RPS6KC1: variants seen among roughly 807,000 people sequenced by gnomAD.
RPS6KC1 encodes ribosomal protein S6 kinase C1.
A neutral mutation model predicts 103.8 loss-of-function variants in RPS6KC1; 54 were observed. That is an observed-to-expected ratio of 0.52 (90% CI 0.42 to 0.65). RPS6KC1 has a LOEUF of 0.65. Among genes scored for constraint, RPS6KC1 ranks in the 30% least tolerant of loss-of-function variants. RPS6KC1 has a pLI of 0.00. For synonymous variants in RPS6KC1, 439 were observed against 438.7 expected, an observed-to-expected ratio of 1.00 and a Z score of -0.01; for missense variants, 1,151 against 1,253.8, an observed-to-expected ratio of 0.92 and a Z score of 1.24.
chr1:213,454,150 G>C, the RPS6KC1 span, among the ~76,000 whole-genome samples: 30 of 151,640 alleles, frequency 2.0e-4, no homozygotes, highest in African/African-American at 6.8e-4. Context: ...GACCACATGG[G>C]GGGGGTCAGC....
the RPS6KC1 span, among the ~76,000 whole-genome samples, chr1:213,686,250 A>G: frequency 6.6e-6 from 1 of 152,218 alleles, no homozygotes; most frequent in Non-Finnish European, 1.5e-5. Context: ...TGGCAGTCAC[A>G]AAAGCTTTTA....
chr1:213,466,331 A>T, the RPS6KC1 span, among the ~76,000 whole-genome samples: 2 of 152,206 alleles, frequency 1.3e-5, no homozygotes, highest in African/African-American at 4.8e-5. Flanking sequence ...ATACAAGCTG[A>T]ATGAGACTGT....
chr1:213,080,770 G>A (rs1327081801), intron 3 of RPS6KC1, among the ~76,000 whole-genome samples: 1 of 152,052 alleles, frequency 6.6e-6, no homozygotes, highest in Non-Finnish European at 1.5e-5. Flanking sequence ...TCACCATTTT[G>A]CCCAGGCTGG....
At chr1:213,112,899 CT>C (rs1267331172) in intron 4 of RPS6KC1, among the ~76,000 whole-genome samples, 11 of 152,282 alleles carry the variant, frequency 7.2e-5, no homozygotes, top group Non-Finnish European at 1.5e-5. Flanking sequence ...TGAACTCATC[CT>C]TTTTTATGGC....
At chr1:213,483,693 G>GC in the RPS6KC1 span, among the ~76,000 whole-genome samples, 9 of 152,254 alleles carry the variant, frequency 5.9e-5, no homozygotes, top group South Asian at 1.9e-3. Context: ...AAAGCTCCTG[G>GC]CTCCTGTTAG....
At chr1:213,421,491 G>A in the RPS6KC1 span, among the ~76,000 whole-genome samples, 7 of 152,306 alleles carry the variant, frequency 4.6e-5, no homozygotes, top group African/African-American at 1.4e-4. Flanking sequence ...TTTTCGGTTA[G>A]CCACTTGTAA....
the RPS6KC1 span, among the ~76,000 whole-genome samples, chr1:213,429,495 C>G: frequency 1.3e-5 from 2 of 152,204 alleles, no homozygotes; most frequent in Non-Finnish European, 2.9e-5. Context: ...TGAAATTGCT[C>G]TTTCCCTCGC....
the RPS6KC1 span, among the ~76,000 whole-genome samples, chr1:213,738,716 CG>C: frequency 6.6e-6 from 1 of 151,534 alleles, no homozygotes; most frequent in Non-Finnish European, 1.5e-5. Flanking sequence ...AAAATAAGGC[CG>C]GGTGTGGTGT....
the RPS6KC1 span, among the ~76,000 whole-genome samples, chr1:213,483,280 C>A: frequency 6.6e-6 from 1 of 152,162 alleles, no homozygotes; most frequent in Non-Finnish European, 1.5e-5. Flanking sequence ...CCCACTGGGT[C>A]CCTCCCATGA....
chr1:213,361,248 TCA>T, the RPS6KC1 span, among the ~76,000 whole-genome samples: 1 of 152,230 alleles, frequency 6.6e-6, no homozygotes, highest in African/African-American at 2.4e-5. Context: ...TACTCAAGCC[TCA>T]GCAATGGCAG....
chr1:213,317,435 A>G, the RPS6KC1 span, among the ~76,000 whole-genome samples: 52,149 of 152,086 alleles, frequency 0.34, 9,031 homozygotes, highest in Middle Eastern at 0.43. Flanking sequence ...ATCCTCACAC[A>G]GCAGAGAGAG....
chr1:213,522,295 A>T, the RPS6KC1 span, among the ~76,000 whole-genome samples: 1 of 152,218 alleles, frequency 6.6e-6, no homozygotes, highest in East Asian at 1.9e-4. Context: ...TGGGTTTAAA[A>T]TATTCAGTTA....
the RPS6KC1 span, among the ~76,000 whole-genome samples, chr1:213,801,662 TCTC>T: frequency 6.6e-6 from 1 of 152,106 alleles, no homozygotes; most frequent in Non-Finnish European, 1.5e-5. Context: ...CAGTTACAGT[TCTC>T]CTAGAAGAAA....
the RPS6KC1 span, among the ~76,000 whole-genome samples, chr1:213,605,848 G>A: frequency 2.2e-4 from 34 of 152,190 alleles, no homozygotes; most frequent in Non-Finnish European, 4.3e-4. Flanking sequence ...AACGACCAAG[G>A]TTACGCCAGA....
At chr1:213,556,391 G>C in the RPS6KC1 span, among the ~76,000 whole-genome samples, 1 of 152,184 alleles carries the variant, frequency 6.6e-6, no homozygotes, top group Admixed American at 6.5e-5. Context: ...TTATTTAAGT[G>C]TCTAGTACGT....
the RPS6KC1 span, among the ~76,000 whole-genome samples, chr1:213,397,582 AACACATACACACACACAC>A: frequency 4.5e-5 from 4 of 89,020 alleles, no homozygotes; most frequent in Admixed American, 1.4e-4. Flanking sequence ...AAGAGTCAGG[AACACATACACACACACAC>A]ACACACACAC....
the RPS6KC1 span, among the ~76,000 whole-genome samples, chr1:213,557,166 G>T: frequency 2.0e-5 from 3 of 152,154 alleles, no homozygotes; most frequent in Non-Finnish European, 2.9e-5. Flanking sequence ...TTCTGACTGT[G>T]CTTCTCTATG....
chr1:213,786,733 C>A, the RPS6KC1 span, among the ~76,000 whole-genome samples: 4 of 152,234 alleles, frequency 2.6e-5, no homozygotes, highest in South Asian at 8.3e-4. Flanking sequence ...ACTTTTCTGG[C>A]GGGATTTTAG....
At chr1:213,297,550 G>T in the RPS6KC1 span, among the ~76,000 whole-genome samples, 1 of 152,196 alleles carries the variant, frequency 6.6e-6, no homozygotes, top group African/African-American at 2.4e-5. Context: ...GAAGGAACTG[G>T]ATGCCATTTA....
Sources: gnomAD v4.1 joint callset for allele counts (sites outside exome capture counted in the v4.1 genomes callset) on GRCh38, gnomAD v4.1.1 for gene constraint, MANE v1.5 for transcripts, NCBI Gene and HGNC (gene_info 2026-07-23, HGNC 2026-07-21) for gene names.